DNAH11: variants seen among roughly 807,000 people sequenced by gnomAD.
DNAH11 encodes dynein axonemal heavy chain 11.
Under a neutral mutation model 526.0 loss-of-function variants are expected in DNAH11, and 442 were observed. That is an observed-to-expected ratio of 0.84 (90% CI 0.78 to 0.91). DNAH11 has a LOEUF of 0.91. Among genes scored for constraint, DNAH11 ranks in the 40% least tolerant of loss-of-function variants. The pLI is 0.00. For synonymous variants in DNAH11, 2,461 were observed against 1,935.9 expected (o/e 1.27, Z -7.12); for missense variants, 6,989 against 5,448.7 (o/e 1.28, Z -8.90).
chr7:21,866,337 G>T, intron 70 of DNAH11, 133 bp from the exon 71 acceptor site: 3 of 661,352 alleles, frequency 4.5e-6, no homozygotes, highest in Non-Finnish European at 6.7e-6. Flanking sequence ...AAAAAAAAAG[G>T]AAATCTGAAG....
intron 63 of DNAH11, among the ~76,000 whole-genome samples, chr7:21,809,710 C>T (rs993688593): frequency 1.3e-5 from 2 of 151,748 alleles, no homozygotes; most frequent in East Asian, 3.9e-4. Flanking sequence ...ATTACAGGCA[C>T]CCGCCACCAC....
chr7:21,815,019 G>C (rs1322152294), intron 63 of DNAH11, among the ~76,000 whole-genome samples: 1 of 151,978 alleles, frequency 6.6e-6, no homozygotes, highest in Admixed American at 6.6e-5. Context: ...TATTAAGATG[G>C]GTTTTATTTC....
intron 63 of DNAH11, among the ~76,000 whole-genome samples, chr7:21,811,408 A>T (rs1433684590): frequency 6.6e-6 from 1 of 151,796 alleles, no homozygotes; most frequent in African/African-American, 2.4e-5. Flanking sequence ...GTGAGCCGAG[A>T]TCGCGCCACT....
Position 21,868,867 on chromosome 7 carries a change from A to G in DNAH11, c.11843A>G (p.Lys3948Arg). The stretch of plus-strand genomic sequence containing the variant: ...ACCGTGGTGTATTCTCCCACAGGCA[A>G]AAGACTTGGCTTTACAATTGACTCT... ...DALKDLEILG[K>R]RLGFTIDSGK... The change falls in exon 73 of 82, where the codon AAA becomes AGA. Residue 3948 changes from lysine to arginine, a missense_variant. Physicochemically the swap from Lys to Arg is conservative, Grantham distance 26. Transcript: ENST00000409508. The G allele has an allele frequency of 1.2e-6, 2 of 1,613,948 alleles. No individual in the cohort carries two copies. The highest frequency in any genetic ancestry group is 1.7e-6 in the Non-Finnish European group (2 of 1,179,868).
At chr7:21,807,618 A>G (rs1249516808) in intron 62 of DNAH11, among the ~76,000 whole-genome samples, 2 of 152,180 alleles carry the variant, frequency 1.3e-5, no homozygotes, top group Non-Finnish European at 2.9e-5. Flanking sequence ...ATAATGGAAG[A>G]GTTGGGATGT....
chr7:21,721,246 C>T (rs1013492263), intron 44 of DNAH11, among the ~76,000 whole-genome samples: 10 of 152,258 alleles, frequency 6.6e-5, no homozygotes, highest in East Asian at 3.9e-4. Flanking sequence ...ACATTCTTCC[C>T]GGTAGCTCCA....
At chr7:21,796,775 A>G (rs1788731703) in intron 61 of DNAH11, among the ~76,000 whole-genome samples, 1 of 152,204 alleles carries the variant, frequency 6.6e-6, no homozygotes, top group South Asian at 2.1e-4. Flanking sequence ...TAATTTCCTC[A>G]CCTATAAAAT....
intron 32 of DNAH11, among the ~76,000 whole-genome samples, chr7:21,685,154 C>T (rs1783319321): frequency 6.6e-6 from 1 of 152,212 alleles, no homozygotes; most frequent in Non-Finnish European, 1.5e-5. Context: ...TAAAAGTCAG[C>T]ATTCACTGTC....
intron 63 of DNAH11, among the ~76,000 whole-genome samples, chr7:21,814,763 A>G (rs918632263): frequency 1.3e-5 from 2 of 152,028 alleles, no homozygotes. Flanking sequence ...TCATTAACCA[A>G]AATATCATAT....
At chr7:21,570,710 C>G (rs1445858993) in intron 7 of DNAH11, 2 of 153,920 alleles carry the variant, frequency 1.3e-5, no homozygotes, top group Non-Finnish European at 2.9e-5. Flanking sequence ...AATTATCACA[C>G]TTTTTTAGTA....
intron 54 of DNAH11, among the ~76,000 whole-genome samples, chr7:21,760,022 A>T (rs1453129006): frequency 6.6e-6 from 1 of 151,846 alleles, no homozygotes; most frequent in Admixed American, 6.6e-5. Context: ...CAGCTGCCAG[A>T]GGCGTTTTTA....
chr7:21,561,411 G>A, intron 5 of DNAH11: 2 of 370,426 alleles, frequency 5.4e-6, no homozygotes, highest in Non-Finnish European at 4.8e-6. Context: ...ATTTTAATTA[G>A]AATGTTTGTG....
At chr7:21,639,941 C>T (rs1213409791) in intron 28 of DNAH11, among the ~76,000 whole-genome samples, 1 of 152,026 alleles carries the variant, frequency 6.6e-6, no homozygotes, top group Non-Finnish European at 1.5e-5. Flanking sequence ...TGTCTGTTCA[C>T]ATTGCAGTTC....
At chr7:21,745,403 A>G (rs943914244) in intron 51 of DNAH11, among the ~76,000 whole-genome samples, 2 of 152,246 alleles carry the variant, frequency 1.3e-5, no homozygotes, top group African/African-American at 4.8e-5. Context: ...CCAGATAGGA[A>G]CATTGCCAGC....
intron 36 of DNAH11, among the ~76,000 whole-genome samples, chr7:21,702,040 A>C (rs1252262943): frequency 6.6e-6 from 1 of 152,212 alleles, no homozygotes; most frequent in African/African-American, 2.4e-5. Context: ...AAATAAGTTT[A>C]TCATGAGAAA....
chr7:21,643,801 C>T (rs1787229985), intron 28 of DNAH11, among the ~76,000 whole-genome samples: 1 of 152,106 alleles, frequency 6.6e-6, no homozygotes, highest in African/African-American at 2.4e-5. Flanking sequence ...CAAAGACTTG[C>T]TGCAAATAAA....
chr7:21,882,116 G>C (rs146016684), intron 75 of DNAH11, among the ~76,000 whole-genome samples: 1 of 152,270 alleles, frequency 6.6e-6, no homozygotes, highest in African/African-American at 2.4e-5. Context: ...TAACTGTCCT[G>C]TGAGGCTGCA....
Position 21,717,923 on chromosome 7 carries a change from CA to C in DNAH11, c.7133del (p.Gln2378ArgfsTer11). ...TTCAATTCCTGAGAGTAGCCTGGTG[CA>C]GGTTTGTCTTCGGTTACGCCATTTA... is the stretch of plus-strand genomic sequence containing the variant. ...ITSIPESSLV[Q>X]TLCVLLECLL... is the part of the protein sequence containing the mutation. On this transcript the variant is annotated frameshift_variant and splice_region_variant, in exon 43 of 82. Transcript: ENST00000409508. LOFTEE classifies it high-confidence loss of function. 1 of 1,611,296 alleles carries C rather than the reference CA, an allele frequency of 6.2e-7. No individual in the cohort carries two copies. The highest frequency in any genetic ancestry group is 1.1e-5 in the South Asian group (1 of 90,676).
chr7:21,564,405 G>T lies in DNAH11; in HGVS notation c.1194+8G>T, dbSNP rs751920270. 1.2e-6 allele frequency: 2 copies of T among 1,601,380 alleles called. No homozygotes were observed. Among genetic ancestry groups the T allele is most frequent in the Admixed American group, 1.7e-5 (1 of 59,220 alleles). ...AATCTCTTCATTAACCAGGTATGAA[G>T]CATCAAAAAACAGGAACAATAAGAA... On this transcript the variant is annotated splice_region_variant and intron_variant, in intron 6 of 81. Transcript: ENST00000409508.
Sources: gnomAD v4.1 joint callset for allele counts (sites outside exome capture counted in the v4.1 genomes callset) on GRCh38, gnomAD v4.1.1 for gene constraint, MANE v1.5 for transcripts, NCBI Gene and HGNC (gene_info 2026-07-23, HGNC 2026-07-21) for gene names.